SDCBP2: variants seen among roughly 807,000 people sequenced by gnomAD.
SDCBP2 encodes syntenin-2.
In SDCBP2, 28 loss-of-function variants were observed where a neutral mutation model predicts 30.7. The ratio of observed to expected loss-of-function variants is 0.91; its 90% CI spans 0.68 to 1.25. SDCBP2 has a LOEUF of 1.25. Among genes scored for constraint, SDCBP2 ranks in the 50% most tolerant of loss-of-function variants. The pLI is 0.00. For synonymous variants in SDCBP2, 166 were observed against 157.3 expected, an observed-to-expected ratio of 1.06 and a Z score of -0.41; for missense variants, 399 against 379.0, an observed-to-expected ratio of 1.05 and a Z score of -0.44.
chr20:1,322,714 G>A (rs913079735), intron 1 of SDCBP2: 1 of 152,150 alleles, frequency 6.6e-6, no homozygotes, highest in African/African-American at 2.4e-5. Context: ...TGGGACATAG[G>A]TGCATGCCGC....
Position 1,313,453 on chromosome 20 carries a change from T to C in SDCBP2, c.271A>G (p.Thr91Ala), listed in dbSNP as rs1349786972. ...PGPGQMVAPVTGYSLGVRRAE... is the reference protein window; with the variant it reads ...PGPGQMVAPVAGYSLGVRRAE... ...CGCCGCACGCCCAGGCTGTACCCGGTTACCGGTGCCACCATCTGGCCGGGC... is the reference window on the plus strand; with the variant it reads ...CGCCGCACGCCCAGGCTGTACCCGGCTACCGGTGCCACCATCTGGCCGGGC... Residue 91 changes from threonine to alanine, a missense_variant, in exon 5 of 9, where the codon ACC becomes GCC. Coordinates refer to ENST00000360779, the MANE Select transcript of SDCBP2 (RefSeq NM_080489.5). This position sits in a 1 kb window ranked among gnomAD's most constrained non-coding sequence, Gnocchi z 5.2. 4 of 1,600,752 alleles carry C rather than the reference T, an allele frequency of 2.5e-6. No homozygotes were observed. The African/African-American group carries it at 5.4e-5, about 21-fold the overall frequency.
Position 1,310,793 on chromosome 20 carries a change from G to A in SDCBP2, c.824+7C>T, listed in dbSNP as rs199731119. On this transcript the variant is annotated splice_region_variant and intron_variant, in intron 8 of 8. Transcript: ENST00000360779. ...GTGAGGAGGGGTGAGGAGGGGTGCA[G>A]CCTTACTTTTTGACCATGTGCTCGT... 333 of 1,609,734 alleles carry A rather than the reference G, an allele frequency of 2.1e-4. No individual in the cohort carries two copies. The highest frequency in any genetic ancestry group is 1.7e-4 in the Middle Eastern group (1 of 5,974).
chr20:1,310,319 C>A lies in SDCBP2; in HGVS notation c.*122G>T, dbSNP rs934869576. ...TCCCATGGTCACCCTCCTGGACACG[C>A]CCCCCTCATGGCAGCCCCCACCTTA... is the stretch of plus-strand genomic sequence containing the variant. On this transcript the variant is annotated 3_prime_UTR_variant, in exon 9 of 9. Transcript: ENST00000360779. 6.1e-6 allele frequency: 6 copies of A among 987,060 alleles called. No homozygotes were observed. The highest frequency in any genetic ancestry group is 2.0e-5 in the Admixed American group (1 of 50,084). The allele number at this position is 987,060 out of a possible 1,614,324, so 61.1% of individuals were successfully genotyped here. A position where few individuals can be genotyped will look rare whatever the true frequency, so the allele number is the denominator to read the frequency against.
Position 1,313,590 on chromosome 20 carries a change from G to A in SDCBP2, c.226-92C>T, listed in dbSNP as rs1197642666. The A allele has an allele frequency of 6.9e-7, 1 of 1,442,588 alleles. No individual in the cohort carries two copies. The highest frequency in any genetic ancestry group is 1.4e-5 in the African/African-American group (1 of 69,868). The allele number at this position is 1,442,588 out of a possible 1,614,324, so 89.4% of individuals were successfully genotyped here. On this transcript the variant is annotated intron_variant, in intron 4 of 8. Transcript: ENST00000360779. This position sits in a 1 kb window ranked among gnomAD's most constrained non-coding sequence, Gnocchi z 5.2. ...GGTGGGGGTAGGGATGGGGAAAGGAGGATGGAGCCGTCCCCGGGTCCCCCC... is the reference window on the plus strand; with the variant it reads ...GGTGGGGGTAGGGATGGGGAAAGGAAGATGGAGCCGTCCCCGGGTCCCCCC...
Position 1,324,276 on chromosome 20 carries a change from GTTCACACACGATCC to G in SDCBP2, c.-19-3855_-19-3842del, listed in dbSNP as rs928241375. ...CTCATAAGGGCAGGAGCTCTGTCCCGTTCACACACGATCCTTCCCCGCCACGGCACTGCCCAGCA... is the reference window on the plus strand; with the variant it reads ...CTCATAAGGGCAGGAGCTCTGTCCCGTTCCCCGCCACGGCACTGCCCAGCA... On this transcript the variant is annotated intron_variant, in intron 1 of 8. Transcript: ENST00000360779. This position sits in a 1 kb window ranked among gnomAD's most constrained non-coding sequence, Gnocchi z 4.7. The G allele has an allele frequency of 3.3e-5, 5 of 152,096 alleles. No homozygotes were observed. The highest frequency in any genetic ancestry group is 7.3e-5 in the Non-Finnish European group (5 of 68,042). The allele number at this position is 152,096 out of a possible 1,614,324, so 9.4% of individuals were successfully genotyped here. A position where few individuals can be genotyped will look rare whatever the true frequency, so the allele number is the denominator to read the frequency against.
rs1033592223 is a variant in SDCBP2 at position 1,324,814 on chromosome 20, G to A, written c.-20+4271C>T. Among the ~76,000 whole-genome samples the A allele has an allele frequency of 1.3e-5, 2 of 152,206 alleles. No individual in the cohort carries two copies. The highest frequency in any genetic ancestry group is 2.9e-5 in the Non-Finnish European group (2 of 68,036). ...TAAATATATTTAGCCTTTGACTCAA[G>A]ATGTCAGATATAAACTGTTGGCAAA... On this transcript the variant is annotated intron_variant, in intron 1 of 8. Transcript: ENST00000360779. This position sits in a 1 kb window ranked among gnomAD's most constrained non-coding sequence, Gnocchi z 4.7.
chr20:1,328,998 G>GT (rs2088974564), intron 1 of SDCBP2, 87 bp downstream of exon 1: 1 of 152,408 alleles, frequency 6.6e-6, no homozygotes, highest in Non-Finnish European at 1.5e-5. Context: ...CAGAAGGGAA[G>GT]GGGCAGGGAG....
intron 1 of SDCBP2, chr20:1,325,265 C>T (rs1209175176): frequency 6.6e-6 from 1 of 152,276 alleles, no homozygotes; most frequent in Non-Finnish European, 1.5e-5. Flanking sequence ...CCGGAAGCGA[C>T]ATCTTCCGGT....
At position 1,320,558 on chromosome 20, in the gene SDCBP2, A is replaced by G; in HGVS notation, c.-19-123T>C. The G allele has an allele frequency of 1.4e-6, 1 of 702,020 alleles. No homozygotes were observed. Among genetic ancestry groups the G allele is most frequent in the South Asian group, 1.8e-5 (1 of 54,606 alleles). 43.5% of individuals were successfully genotyped at this position (702,020 alleles called of 1,614,324 possible). ...TATTCAAACAGAAAGGCAGCAGGGC[A>G]CTTAGAATGCCTCCCCGAACTCCAC... On this transcript the variant is annotated intron_variant, in intron 1 of 8. Coordinates refer to ENST00000360779, the MANE Select transcript of SDCBP2 (RefSeq NM_080489.5). The surrounding 1 kb of genome is among the most constrained non-coding windows in gnomAD (Gnocchi z 4.7).
intron 1 of SDCBP2, among the ~76,000 whole-genome samples, chr20:1,326,399 A>G (rs1189031328): frequency 6.6e-6 from 1 of 152,186 alleles, no homozygotes; most frequent in East Asian, 1.9e-4. Flanking sequence ...TAATGTTTCC[A>G]TTCTCACCAT....
intron 7 of SDCBP2, 47 bp from the exon 8 acceptor site, chr20:1,310,938 G>A (rs758934099): frequency 4.2e-6 from 6 of 1,439,568 alleles, no homozygotes; most frequent in East Asian, 2.3e-5. Flanking sequence ...TGGGGACCAG[G>A]GGCAACTCTA....
intron 4 of SDCBP2, among the ~76,000 whole-genome samples, chr20:1,316,350 C>T (rs916763688): frequency 1.3e-5 from 2 of 152,106 alleles, no homozygotes; most frequent in Non-Finnish European, 2.9e-5. Context: ...TCATGTATTG[C>T]TCACGGCAAA....
At chr20:1,327,947 G>A (rs895703904) in intron 1 of SDCBP2, among the ~76,000 whole-genome samples, 10 of 152,236 alleles carry the variant, frequency 6.6e-5, no homozygotes, top group African/African-American at 2.4e-4. Flanking sequence ...TGGATAAATA[G>A]GCTTTGTGAC....
At chr20:1,322,437 T>C (rs2088861706) in intron 1 of SDCBP2, 1 of 152,208 alleles carries the variant, frequency 6.6e-6, no homozygotes, top group African/African-American at 2.4e-5. Context: ...TCAATAATAT[T>C]GCCAGAAGCA....
At chr20:1,323,302 C>T (rs911198179) in intron 1 of SDCBP2, 1 of 152,186 alleles carries the variant, frequency 6.6e-6, no homozygotes, top group South Asian at 2.1e-4. Context: ...AATCTTGGGA[C>T]AGTCCTGAGC....
In SDCBP2 at chr20:1,310,299, TG is replaced by T; in HGVS notation, c.*141del. The T allele has an allele frequency of 1.3e-6, 1 of 786,968 alleles. No homozygotes were observed. Among genetic ancestry groups the T allele is most frequent in the Non-Finnish European group, 2.1e-6 (1 of 477,548 alleles). 48.7% of individuals were successfully genotyped at this position (786,968 alleles called of 1,614,324 possible). On this transcript the variant is annotated 3_prime_UTR_variant, in exon 9 of 9. Transcript: ENST00000360779. ...AGGCCTGTGTGTATAAGCCATCCCA[TG>T]GTCACCCTCCTGGACACGCCCCCCT... is the stretch of plus-strand genomic sequence containing the variant.
In SDCBP2 at chr20:1,319,632, G is replaced by T; in HGVS notation, c.82C>A (p.Pro28Thr). ...QAQVRASPKM[P>T]ALPVQATAIS... ...GCTGTTGCCTGGACTGGCAGGGCTG[G>T]CATCTTGGGTGAGGCTCTGACCTGG... Residue 28 changes from proline (P) to threonine (T), a missense_variant, in exon 3 of 9, where the codon CCA becomes ACA. Transcript: ENST00000360779. 10 of 1,570,006 alleles carry T rather than the reference G, an allele frequency of 6.4e-6. No homozygotes were observed. The highest frequency in any genetic ancestry group is 8.6e-6 in the Non-Finnish European group (10 of 1,157,036).
rs763223201 is a variant in SDCBP2 at position 1,320,355 on chromosome 20, C to A, written c.54+8G>T. On this transcript the variant is annotated splice_region_variant and intron_variant, in intron 2 of 8. Coordinates refer to ENST00000360779, the MANE Select transcript of SDCBP2 (RefSeq NM_080489.5). This position sits in a 1 kb window ranked among gnomAD's most constrained non-coding sequence, Gnocchi z 4.7. ...GGGAATCCAGGCCAATGGGGCCTGG[C>A]GACTTACCTGAATGGCTTGGTCCAC... 1.2e-6 allele frequency: 2 copies of A among 1,613,232 alleles called. No homozygotes were observed. The highest frequency in any genetic ancestry group is 2.7e-5 in the African/African-American group (2 of 74,906).
chr20:1,313,737 A>C lies in SDCBP2; in HGVS notation c.226-239T>G, dbSNP rs910563025. ...GAAAACGGGGAGGGAAGGGGCGAGG[A>C]TACAGGAAGAGGCCCTTCATTTCCC... is the stretch of plus-strand genomic sequence containing the variant. On this transcript the variant is annotated intron_variant, in intron 4 of 8. Transcript: ENST00000360779. This position sits in a 1 kb window ranked among gnomAD's most constrained non-coding sequence, Gnocchi z 5.2. 4 of 1,111,780 alleles carry C rather than the reference A, an allele frequency of 3.6e-6. No individual in the cohort carries two copies. Among genetic ancestry groups the C allele is most frequent in the Non-Finnish European group, 4.7e-6 (4 of 851,252 alleles). The allele number at this position is 1,111,780 out of a possible 1,614,324, so 68.9% of individuals were successfully genotyped here. A position where few individuals can be genotyped will look rare whatever the true frequency, so the allele number is the denominator to read the frequency against.
Sources: allele counts gnomAD v4.1 joint callset (sites outside exome capture counted in the v4.1 genomes callset), GRCh38; gene constraint gnomAD v4.1.1; non-coding constraint Gnocchi (gnomAD v3.1); transcripts MANE v1.5; gene names NCBI Gene and HGNC (gene_info 2026-07-23, HGNC 2026-07-21).